The following FGF14 variants were observed in gnomAD, a reference collection of about 807,000 sequenced individuals.
FGF14 encodes the protein fibroblast growth factor homologous factor 4.
Under a neutral mutation model 25.5 loss-of-function variants are expected in FGF14, and 5 were observed. The observed-to-expected ratio is 0.20, with a 90% CI of 0.10 to 0.41. FGF14 has a LOEUF of 0.41. Among genes scored for constraint, FGF14 ranks in the 10% least tolerant of loss-of-function variants. The pLI is 1.00. For missense variants in FGF14, 222 were observed against 320.1 expected, an observed-to-expected ratio of 0.69 and a Z score of 2.34; for synonymous variants, 138 against 118.3, an observed-to-expected ratio of 1.17 and a Z score of -1.08.
chr13:102,084,642 G>A (rs2043803530), intron 1 of FGF14, among the ~76,000 whole-genome samples: 1 of 150,390 alleles, frequency 6.6e-6, no homozygotes, highest in Non-Finnish European at 1.5e-5. Flanking sequence ...ATTATACATT[G>A]TCAAAGGAAG....
chr13:102,101,051 A>G lies in FGF14; in HGVS notation c.209-225755T>C, dbSNP rs149282766. Among the ~76,000 whole-genome samples the G allele has an allele frequency of 5.7e-3, 874 of 152,096 alleles. 6 individuals are homozygous for G. The highest frequency in any genetic ancestry group is 0.018 in the African/African-American group (743 of 41,488). On this transcript the variant is annotated intron_variant, in intron 1 of 4. Coordinates refer to the FGF14 transcript ENST00000376131. ...GAGGCGGAGGTTGCAGTGAGCTGAG[A>G]TCACACCATTGTACTCCAGCCTGGG...
intron 1 of FGF14, among the ~76,000 whole-genome samples, chr13:102,384,149 T>C (rs1475629875): frequency 1.3e-5 from 2 of 152,156 alleles, no homozygotes; most frequent in Non-Finnish European, 2.9e-5. Context: ...TAATTTTTTT[T>C]TGAGATGTAG....
At chr13:101,948,332 A>G (rs2035940141) in intron 1 of FGF14, among the ~76,000 whole-genome samples, 1 of 152,192 alleles carries the variant, frequency 6.6e-6, no homozygotes, top group Non-Finnish European at 1.5e-5. Flanking sequence ...AAAGAATTCT[A>G]TAGGAACCAC....
intron 1 of FGF14, among the ~76,000 whole-genome samples, chr13:101,940,557 T>C (rs996653595): frequency 3.3e-5 from 5 of 152,216 alleles, no homozygotes; most frequent in Non-Finnish European, 7.3e-5. Flanking sequence ...GTTGACCCTG[T>C]CCTTTCATTC....
At chr13:101,967,287 T>C (rs2139507098) in intron 1 of FGF14, among the ~76,000 whole-genome samples, 1 of 152,348 alleles carries the variant, frequency 6.6e-6, no homozygotes, top group African/African-American at 2.4e-5. Flanking sequence ...TAAAGTCATT[T>C]GTAAACTAAT....
intron 1 of FGF14, among the ~76,000 whole-genome samples, chr13:102,125,113 C>G (rs746743542): frequency 6.6e-6 from 1 of 152,072 alleles, no homozygotes; most frequent in Admixed American, 6.6e-5. Context: ...ATTGCTTCAT[C>G]TTTTGGTAAG....
At chr13:102,180,311 A>G (rs2048616594) in intron 1 of FGF14, among the ~76,000 whole-genome samples, 1 of 151,962 alleles carries the variant, frequency 6.6e-6, no homozygotes, top group Admixed American at 6.6e-5. Flanking sequence ...AGCTATTTTC[A>G]TTACTTTTTA....
chr13:102,340,254 A>C (rs1462894231), intron 1 of FGF14, among the ~76,000 whole-genome samples: 1 of 152,192 alleles, frequency 6.6e-6, no homozygotes, highest in African/African-American at 2.4e-5. Flanking sequence ...CATTTTGGCG[A>C]ATCCCTTAGA....
chr13:102,158,530 GTA>G (rs1207546057), intron 1 of FGF14, among the ~76,000 whole-genome samples: 1 of 134,914 alleles, frequency 7.4e-6, no homozygotes, highest in African/African-American at 2.8e-5. Context: ...TGGGGTGGGG[GTA>G]GCGGGGGGGG....
At chr13:101,983,080 T>C (rs1215222236) in intron 1 of FGF14, among the ~76,000 whole-genome samples, 2 of 145,648 alleles carry the variant, frequency 1.4e-5, no homozygotes, top group Non-Finnish European at 2.9e-5. Context: ...AATGGCTGTT[T>C]GTGTATTGTC....
chr13:102,032,544 A>G (rs2041262425), intron 1 of FGF14, among the ~76,000 whole-genome samples: 2 of 152,138 alleles, frequency 1.3e-5, no homozygotes, highest in Admixed American at 1.3e-4. Context: ...TGGAAATTCC[A>G]GTATAGAATT....
chr13:102,380,271 T>C (rs1168783847), intron 1 of FGF14, among the ~76,000 whole-genome samples: 1 of 152,106 alleles, frequency 6.6e-6, no homozygotes, highest in East Asian at 1.9e-4. Context: ...CAGAATGTCA[T>C]GGAACAGGCA....
intron 3 of FGF14, among the ~76,000 whole-genome samples, chr13:101,866,766 C>T (rs2044729267): frequency 6.6e-6 from 1 of 152,154 alleles, no homozygotes; most frequent in South Asian, 2.1e-4. Flanking sequence ...TTAGGAGGTA[C>T]TGATATAGAT....
chr13:102,355,542 C>G (rs982474588), intron 1 of FGF14, among the ~76,000 whole-genome samples: 3 of 149,902 alleles, frequency 2.0e-5, no homozygotes, highest in African/African-American at 7.4e-5. Context: ...TGCCTTAGGA[C>G]AGTGGAAACT....
At chr13:101,790,459 GGTTT>G (rs1417007210) in intron 3 of FGF14, among the ~76,000 whole-genome samples, 18 of 149,434 alleles carry the variant, frequency 1.2e-4, no homozygotes, top group Middle Eastern at 3.5e-3. Flanking sequence ...TACATGTGCA[GGTTT>G]GTTACATGGG....
At chr13:102,183,996 TTAAG>T (rs1468214755) in intron 1 of FGF14, among the ~76,000 whole-genome samples, 2 of 151,970 alleles carry the variant, frequency 1.3e-5, no homozygotes, top group African/African-American at 2.4e-5. Flanking sequence ...TTCTAGGAGG[TTAAG>T]TAAATATCAA....
intron 1 of FGF14, among the ~76,000 whole-genome samples, chr13:101,961,659 C>A (rs1406961884): frequency 6.6e-6 from 1 of 152,110 alleles, no homozygotes; most frequent in Non-Finnish European, 1.5e-5. Context: ...CGGTTACCTC[C>A]ATGCTGTTCT....
chr13:102,023,951 A>G (rs1046142710), intron 1 of FGF14, among the ~76,000 whole-genome samples: 42 of 152,030 alleles, frequency 2.8e-4, no homozygotes, highest in African/African-American at 9.9e-4. Context: ...CCACACCAAG[A>G]TATTTTAATG....
chr13:102,358,234 A>G (rs113762421), intron 1 of FGF14, among the ~76,000 whole-genome samples: 1 of 152,336 alleles, frequency 6.6e-6, no homozygotes, highest in African/African-American at 2.4e-5. Flanking sequence ...TTTCATGTAT[A>G]TATTTTCAGG....
Sources: allele counts gnomAD v4.1 joint callset (sites outside exome capture counted in the v4.1 genomes callset), GRCh38; gene constraint gnomAD v4.1.1; transcripts MANE v1.5; gene names NCBI Gene and HGNC (gene_info 2026-07-23, HGNC 2026-07-21).